WDR70: variants seen among roughly 807,000 people sequenced by gnomAD.
WDR70 encodes WD repeat domain 70, also known as WD repeat-containing protein 70.
A neutral mutation model predicts 88.6 loss-of-function variants in WDR70; 53 were observed. That is an observed-to-expected ratio of 0.60 (90% confidence interval 0.48 to 0.75). The LOEUF (loss-of-function observed/expected upper bound fraction) is 0.75, where lower values mean the gene tolerates loss of function less well. Ranked by LOEUF, WDR70 falls within the 30% of genes least tolerant of loss-of-function variation. The probability of loss-of-function intolerance (pLI) is 0.00; values close to 1 mark genes in which losing one functional copy is unlikely to be tolerated. For missense variants in WDR70, 610 were observed against 823.2 expected (o/e 0.74, Z 3.17); for synonymous variants, 280 against 270.0 (o/e 1.04, Z -0.36).
intron 8 of WDR70, among the ~76,000 whole-genome samples, chr5:37,480,430 G>A (rs1275297160): frequency 1.3e-5 from 2 of 152,202 alleles, no homozygotes; most frequent in Admixed American, 6.5e-5. Flanking sequence ...AAAGGAAAGA[G>A]GTTAATTGTT....
At chr5:37,396,183 C>CA (rs1046216875) in intron 4 of WDR70, among the ~76,000 whole-genome samples, 192 bp from the exon 5 acceptor site, 2 of 31,204 alleles carry the variant, frequency 6.4e-5, no homozygotes, top group Admixed American at 5.9e-4. Context: ...CTGCGTAAGA[C>CA]GGTTTTTTTT....
At chr5:37,413,699 C>T (rs558739959) in intron 5 of WDR70, among the ~76,000 whole-genome samples, 4 of 135,518 alleles carry the variant, frequency 3.0e-5, no homozygotes, top group African/African-American at 8.2e-5. Flanking sequence ...TCCAGCCTGG[C>T]GACAGAGCGA....
rs1396372510 is a variant in WDR70, at chr5:37,467,817, C to T, written c.687-12017C>T. The stretch of plus-strand genomic sequence containing the variant: ...CTGCAAGCTCCGCCTCCCGGGTTTA[C>T]GTCATTCCTGCCTCAGCCTCCCGAG... On this transcript the variant is annotated intron_variant, in intron 7 of 17. Coordinates refer to ENST00000265107, the MANE Select transcript of WDR70 (RefSeq NM_018034.4). Among the ~76,000 whole-genome samples the T allele has an allele frequency of 2.6e-5, 4 of 152,076 alleles. No homozygotes were observed. The East Asian group carries it at 7.7e-4, about 29-fold the overall frequency.
intron 10 of WDR70, among the ~76,000 whole-genome samples, chr5:37,662,141 G>A (rs577561658): frequency 6.6e-5 from 10 of 152,212 alleles, no homozygotes; most frequent in East Asian, 3.9e-4. Flanking sequence ...TAATTTCCTC[G>A]GTTATAATTT....
intron 5 of WDR70, among the ~76,000 whole-genome samples, chr5:37,436,659 G>C (rs889262609): frequency 1.3e-5 from 2 of 152,092 alleles, no homozygotes; most frequent in African/African-American, 4.8e-5. Context: ...ATTGAGGTAG[G>C]GGGTGAAAGA....
At chr5:37,494,303 G>A (rs558944225) in intron 8 of WDR70, among the ~76,000 whole-genome samples, 1 of 152,304 alleles carries the variant, frequency 6.6e-6, no homozygotes, top group African/African-American at 2.4e-5. Flanking sequence ...TAGAACAGCT[G>A]TTGATGGTTG....
chr5:37,750,385 A>C (rs770485891), intron 17 of WDR70, among the ~76,000 whole-genome samples: 1 of 152,178 alleles, frequency 6.6e-6, no homozygotes, highest in Non-Finnish European at 1.5e-5. Context: ...AAAATAAAAA[A>C]ATTAATCAGA....
intron 10 of WDR70, among the ~76,000 whole-genome samples, chr5:37,672,238 C>T (rs1746046696): frequency 1.3e-5 from 2 of 152,106 alleles, no homozygotes; most frequent in Admixed American, 1.3e-4. Flanking sequence ...CCAAGGTTTC[C>T]CCCCACTGAG....
At chr5:37,543,576 G>A (rs189155338) in intron 9 of WDR70, among the ~76,000 whole-genome samples, 2 of 152,148 alleles carry the variant, frequency 1.3e-5, no homozygotes, top group Admixed American at 6.5e-5. Context: ...TTGTTGAAAA[G>A]GACATATTTA....
intron 3 of WDR70, among the ~76,000 whole-genome samples, chr5:37,383,236 G>A (rs1171107568): frequency 1.3e-5 from 2 of 152,112 alleles, no homozygotes; most frequent in African/African-American, 4.8e-5. Flanking sequence ...CCATCTACAT[G>A]TACTATTTTT....
At chr5:37,395,537 A>G (rs1342843530) in intron 4 of WDR70, among the ~76,000 whole-genome samples, 2 of 152,188 alleles carry the variant, frequency 1.3e-5, no homozygotes, top group East Asian at 3.9e-4. Flanking sequence ...CAAGAATGCT[A>G]CATTTAATGT....
At chr5:37,734,957 A>C (rs1028011899) in intron 17 of WDR70, among the ~76,000 whole-genome samples, 3 of 152,078 alleles carry the variant, frequency 2.0e-5, no homozygotes, top group Admixed American at 6.6e-5. Context: ...GCTTCCTAAA[A>C]ATTTTGTGTA....
At chr5:37,558,495 A>ATT (rs547623259) in intron 9 of WDR70, among the ~76,000 whole-genome samples, 2 of 145,348 alleles carry the variant, frequency 1.4e-5, no homozygotes, top group South Asian at 2.2e-4. Context: ...TTAAAAAAAA[A>ATT]TTTTTTTTTT....
chr5:37,712,903 C>T (rs13185923), intron 13 of WDR70, among the ~76,000 whole-genome samples: 63,790 of 151,474 alleles, frequency 0.42, 15,439 homozygotes, highest in Non-Finnish European at 0.54. Flanking sequence ...GGTTTCACCA[C>T]GTTGGCCAGG....
intron 7 of WDR70, among the ~76,000 whole-genome samples, chr5:37,462,357 C>A (rs1179199268): frequency 6.6e-6 from 1 of 152,080 alleles, no homozygotes; most frequent in African/African-American, 2.4e-5. Flanking sequence ...GGCTGTAGTG[C>A]GGTGGCGTGA....
At chr5:37,487,968 C>T (rs1310428455) in intron 8 of WDR70, among the ~76,000 whole-genome samples, 1 of 152,014 alleles carries the variant, frequency 6.6e-6, no homozygotes, top group Non-Finnish European at 1.5e-5. Context: ...CTCCTTTAAA[C>T]ATTTCTTGTA....
intron 5 of WDR70, among the ~76,000 whole-genome samples, chr5:37,429,688 A>AT (rs1750243636): frequency 6.6e-6 from 1 of 152,204 alleles, no homozygotes; most frequent in Non-Finnish European, 1.5e-5. Context: ...ATTGATATGC[A>AT]TGGCCATTCT....
intron 7 of WDR70, among the ~76,000 whole-genome samples, chr5:37,443,882 C>T (rs1017798642): frequency 9.9e-5 from 15 of 151,832 alleles, no homozygotes; most frequent in South Asian, 2.1e-4. Flanking sequence ...GGCACAGTGG[C>T]GCATGCCTGT....
intron 10 of WDR70, among the ~76,000 whole-genome samples, chr5:37,675,558 A>G (rs1332486218): frequency 6.6e-6 from 1 of 152,000 alleles, no homozygotes; most frequent in East Asian, 1.9e-4. Context: ...ATGCAGCATT[A>G]TTTCTGAGGG....
Sources: allele counts gnomAD v4.1 joint callset (sites outside exome capture counted in the v4.1 genomes callset), GRCh38; gene constraint gnomAD v4.1.1; transcripts MANE v1.5; gene names NCBI Gene and HGNC (gene_info 2026-07-23, HGNC 2026-07-21).